Variants in CSNK1E observed in about 807,000 individuals in gnomAD.
CSNK1E encodes casein kinase I isoform epsilon.
Under a neutral mutation model 46.1 loss-of-function variants are expected in CSNK1E, and 17 were observed. The ratio of observed to expected loss-of-function variants is 0.37; its 90% CI spans 0.25 to 0.55. CSNK1E has a LOEUF of 0.55. Among genes scored for constraint, CSNK1E ranks in the 20% least tolerant of loss-of-function variants. The pLI is 0.82. For synonymous variants in CSNK1E, 241 were observed against 242.6 expected, an observed-to-expected ratio of 0.99 and a Z score of 0.06; for missense variants, 386 against 595.4, an observed-to-expected ratio of 0.65 and a Z score of 3.66.
chr22:38,309,733 C>T lies in CSNK1E; in HGVS notation c.76+4349G>A, dbSNP rs756753590. On this transcript the variant is annotated intron_variant, in intron 2 of 10. Coordinates refer to ENST00000396832, the MANE Select transcript of CSNK1E (RefSeq NM_152221.3). The surrounding 1 kb of genome is among the most constrained non-coding windows in gnomAD (Gnocchi z 4.8). The stretch of plus-strand genomic sequence containing the variant: ...GTCTCCCAAGTGCTGGGATTACAGG[C>T]GTGAGCCACTGTGCCTGGCCTACTG... Among the ~76,000 whole-genome samples, 3 of 152,174 alleles carry T rather than the reference C, an allele frequency of 2.0e-5. No individual in the cohort carries two copies. Among genetic ancestry groups the T allele is most frequent in the East Asian group, 1.9e-4 (1 of 5,194 alleles).
intron 2 of CSNK1E, 65 bp downstream of exon 2, chr22:38,314,017 G>T: frequency 7.1e-7 from 1 of 1,417,692 alleles, no homozygotes; most frequent in Non-Finnish European, 1.0e-6. Flanking sequence ...AAATCCTGGG[G>T]TCTTTCCTCC....
At chr22:38,310,528 A>G (rs1464454092) in intron 2 of CSNK1E, among the ~76,000 whole-genome samples, 1 of 152,112 alleles carries the variant, frequency 6.6e-6, no homozygotes, top group Non-Finnish European at 1.5e-5. Flanking sequence ...TATTTCCCAC[A>G]CTAACTCTCA....
chr22:38,295,453 G>C (rs541008829), intron 7 of CSNK1E: 1 of 967,656 alleles, frequency 1.0e-6, no homozygotes, highest in Non-Finnish European at 1.2e-6. Context: ...CGCATCTGTG[G>C]AGGAGAGAGC....
intron 2 of CSNK1E, among the ~76,000 whole-genome samples, chr22:38,313,706 C>G (rs2092731002): frequency 6.6e-6 from 1 of 152,198 alleles, no homozygotes; most frequent in Non-Finnish European, 1.5e-5. Flanking sequence ...AGGGGTCCAG[C>G]AGCAACCCAA....
At chr22:38,293,352 G>A (rs1237219661) in intron 9 of CSNK1E, 33 bp from the exon 10 acceptor site, 4 of 1,344,888 alleles carry the variant, frequency 3.0e-6, no homozygotes, top group Non-Finnish European at 4.2e-6. Context: ...GAGGGGGAGG[G>A]AGAGAGAGGG....
intron 2 of CSNK1E, among the ~76,000 whole-genome samples, chr22:38,308,638 T>C (rs914825676): frequency 6.6e-6 from 1 of 152,160 alleles, no homozygotes; most frequent in Admixed American, 6.5e-5. Flanking sequence ...CAATGCTCCA[T>C]GATGTTCGGC....
Position 38,309,417 on chromosome 22 carries a change from G to A in CSNK1E, c.76+4665C>T, listed in dbSNP as rs545021540. Among the ~76,000 whole-genome samples, 2 of 152,108 alleles carry A rather than the reference G, an allele frequency of 1.3e-5. No individual in the cohort carries two copies. Among genetic ancestry groups the A allele is most frequent in the Non-Finnish European group, 2.9e-5 (2 of 68,012 alleles). ...TGGTAGACAGGGCCCTCTTCCCCTCGAGCCCTTACTCCACTCTTCGAGTAC... is the reference window on the plus strand; with the variant it reads ...TGGTAGACAGGGCCCTCTTCCCCTCAAGCCCTTACTCCACTCTTCGAGTAC... On this transcript the variant is annotated intron_variant, in intron 2 of 10. Transcript: ENST00000396832. The surrounding 1 kb of genome is among the most constrained non-coding windows in gnomAD (Gnocchi z 4.8).
At chr22:38,313,099 C>T (rs974713856) in intron 2 of CSNK1E, among the ~76,000 whole-genome samples, 19 of 152,336 alleles carry the variant, frequency 1.2e-4, no homozygotes, top group African/African-American at 9.6e-5. Flanking sequence ...GCTTCCTTAG[C>T]ACATTTCATA....
rs1169537504 is a variant in CSNK1E at position 38,298,134 on chromosome 22, G to A, written c.885+652C>T. ...TACGTGGGCCCAGCACAGGGACAGG[G>A]GCGGGGACAGAAAGGTCCCTTCGCT... On this transcript the variant is annotated intron_variant, in intron 7 of 10. Coordinates refer to ENST00000396832, the MANE Select transcript of CSNK1E (RefSeq NM_152221.3). This position sits in a 1 kb window ranked among gnomAD's most constrained non-coding sequence, Gnocchi z 4.2. 2.3e-6 allele frequency: 3 copies of A among 1,293,680 alleles called. No individual in the cohort carries two copies. The highest frequency in any genetic ancestry group is 1.1e-4 in the East Asian group (2 of 17,914). 80.1% of individuals were successfully genotyped at this position (1,293,680 alleles called of 1,614,324 possible).
Position 38,298,177 on chromosome 22 carries a change from G to C in CSNK1E, c.885+609C>G. ...CCTTCGCTGTCATGGGGCTGTCACG[G>C]GGCTGAGCCTGGCTCGAGGAAGCCC... On this transcript the variant is annotated intron_variant, in intron 7 of 10. Transcript: ENST00000396832. The surrounding 1 kb of genome is among the most constrained non-coding windows in gnomAD (Gnocchi z 4.2). 1 of 1,303,692 alleles carries C rather than the reference G, an allele frequency of 7.7e-7. No individual in the cohort carries two copies. The highest frequency in any genetic ancestry group is 1.0e-6 in the Non-Finnish European group (1 of 988,670). 80.8% of individuals were successfully genotyped at this position (1,303,692 alleles called of 1,614,324 possible). A position where few individuals can be genotyped will look rare whatever the true frequency, so the allele number is the denominator to read the frequency against.
chr22:38,305,625 AAC>A (rs747804981), intron 2 of CSNK1E, among the ~76,000 whole-genome samples: 4 of 152,232 alleles, frequency 2.6e-5, no homozygotes, highest in African/African-American at 7.2e-5. Flanking sequence ...AAGGATTTGA[AAC>A]ACACACTTCA....
At chr22:38,313,910 CT>C (rs1310208730) in intron 2 of CSNK1E, among the ~76,000 whole-genome samples, 171 bp downstream of exon 2, 1 of 152,246 alleles carries the variant, frequency 6.6e-6, no homozygotes, top group South Asian at 2.1e-4. Context: ...GAGGAGCCCC[CT>C]GGCCTGCCTC....
In CSNK1E at chr22:38,303,857, A is replaced by G. The variant is rs148120131; in HGVS notation, c.77-609T>C. On this transcript the variant is annotated intron_variant, in intron 2 of 10. Coordinates refer to ENST00000396832, the MANE Select transcript of CSNK1E (RefSeq NM_152221.3). This position sits in a 1 kb window ranked among gnomAD's most constrained non-coding sequence, Gnocchi z 4.7. ...CCCAGCTCAAGGTCACCTGACCTGT[A>G]AATGGCGGCCTTGAGATCAACCCCG... 1.7e-3 allele frequency among the ~76,000 whole-genome samples: 260 copies of G among 152,292 alleles called. 1 individual carries two copies. Among genetic ancestry groups the G allele is most frequent in the African/African-American group, 6.1e-3 (254 of 41,568 alleles).
intron 4 of CSNK1E, among the ~76,000 whole-genome samples, chr22:38,301,411 A>G (rs2092671541): frequency 6.6e-6 from 1 of 151,972 alleles, no homozygotes; most frequent in East Asian, 1.9e-4. Context: ...CCAAACTCAG[A>G]CAGGCACATG....
chr22:38,316,126 G>A (rs898557210), intron 1 of CSNK1E, among the ~76,000 whole-genome samples: 4 of 151,612 alleles, frequency 2.6e-5, no homozygotes, highest in Non-Finnish European at 1.5e-5. Context: ...TAAACAAAGT[G>A]GGGGGAAAAG....
At chr22:38,295,758 G>A (rs1303489387) in intron 7 of CSNK1E, among the ~76,000 whole-genome samples, 1 of 152,202 alleles carries the variant, frequency 6.6e-6, no homozygotes, top group Non-Finnish European at 1.5e-5. Flanking sequence ...TCAGAGTCTT[G>A]CCTTAGAACA....
At chr22:38,312,765 T>C (rs2092726585) in intron 2 of CSNK1E, among the ~76,000 whole-genome samples, 1 of 152,188 alleles carries the variant, frequency 6.6e-6, no homozygotes, top group Non-Finnish European at 1.5e-5. Flanking sequence ...TATCACAAAC[T>C]ACAGATGGGG....
intron 7 of CSNK1E, chr22:38,296,155 G>T: frequency 1.0e-6 from 1 of 992,518 alleles, no homozygotes. Flanking sequence ...AGAAGTGGGC[G>T]ACTCTCCATG....
In CSNK1E at chr22:38,300,945, C is replaced by T; in HGVS notation, c.344G>A (p.Arg115His). 3.1e-6 allele frequency: 5 copies of T among 1,613,800 alleles called. No homozygotes were observed. Among genetic ancestry groups the T allele is most frequent in the Non-Finnish European group, 4.2e-6 (5 of 1,179,782 alleles). ...GTTCTTGGAGTGGATATACTCGATG[C>T]GGCTGATCTGGGGAGGAGGGGGGCC... is the stretch of plus-strand genomic sequence containing the variant. ...VLLLADQMIS[R>H]IEYIHSKNFI... Residue 115 changes from arginine to histidine, a missense_variant, in exon 5 of 11, where the codon CGC becomes CAC. By Grantham distance (29) the Arg-to-His change is conservative. Transcript: ENST00000396832. This position sits in a 1 kb window ranked among gnomAD's most constrained non-coding sequence, Gnocchi z 4.4.
Sources: gnomAD v4.1 joint callset for allele counts (sites outside exome capture counted in the v4.1 genomes callset) on GRCh38, gnomAD v4.1.1 for gene constraint, Gnocchi (gnomAD v3.1) non-coding constraint, MANE v1.5 for transcripts, NCBI Gene and HGNC (gene_info 2026-07-23, HGNC 2026-07-21) for gene names.